The following CIB2 variants were observed in gnomAD, a reference collection of about 807,000 sequenced individuals.
CIB2 encodes the protein calcium and integrin binding family member 2, also known as calcium and integrin-binding family member 2.
Under a neutral mutation model 23.1 loss-of-function variants are expected in CIB2, and 19 were observed. The ratio of observed to expected loss-of-function variants is 0.82; its 90% CI spans 0.57 to 1.21. The LOEUF (loss-of-function observed/expected upper bound fraction) is 1.21, where lower values mean the gene tolerates loss of function less well. CIB2 is among the 50% of genes most tolerant of loss of function. The pLI is 0.00. For missense variants in CIB2, 220 were observed against 241.5 expected (o/e 0.91, Z 0.59); for synonymous variants, 94 against 91.7 (o/e 1.03, Z -0.14).
At chr15:78,125,286 C>A (rs1442578237) in intron 1 of CIB2, among the ~76,000 whole-genome samples, 1 of 152,166 alleles carries the variant, frequency 6.6e-6, no homozygotes, top group Non-Finnish European at 1.5e-5. Context: ...CTTCCCTCCA[C>A]CCCAGGGCCG....
intron 2 of CIB2, among the ~76,000 whole-genome samples, chr15:78,117,283 T>TAAAAAAAAAAAAAAA (rs1265422874): frequency 3.7e-5 from 5 of 133,566 alleles, no homozygotes; most frequent in Non-Finnish European, 6.2e-5. Context: ...AAAGTTTGTT[T>TAAAAAAAAAAAAAAA]AAAAGAATAA....
rs189616134 is a variant in CIB2 at position 78,105,095 on chromosome 15, C to T, written c.*216G>A. 5.0e-4 allele frequency: 305 copies of T among 613,514 alleles called. No individual in the cohort carries two copies. The African/African-American group carries it at 5.2e-3, about 10-fold the overall frequency. The allele number at this position is 613,514 out of a possible 1,614,324, so 38.0% of individuals were successfully genotyped here. ...GGGCCTGGAGAGAGGCCATGGGTCC[C>T]GGGGCTGGACCACAGCGGGGCTGTG... On this transcript the variant is annotated 3_prime_UTR_variant, in exon 6 of 6. Coordinates refer to ENST00000258930, the MANE Select transcript of CIB2 (RefSeq NM_006383.4).
chr15:78,105,469 G>T, intron 5 of CIB2, 137 bp from the exon 6 acceptor site: 1 of 1,539,690 alleles, frequency 6.5e-7, no homozygotes, highest in Non-Finnish European at 8.7e-7. Context: ...GTGGATGCAG[G>T]TAATCAACAC....
At chr15:78,109,588 G>T in intron 3 of CIB2, 1 of 616,666 alleles carries the variant, frequency 1.6e-6, no homozygotes, top group Middle Eastern at 2.6e-4. Flanking sequence ...GTAAGGTGTT[G>T]GTACCAGGCC....
At chr15:78,109,684 T>C (rs2074126982) in intron 3 of CIB2, among the ~76,000 whole-genome samples, 1 of 151,664 alleles carries the variant, frequency 6.6e-6, no homozygotes, top group African/African-American at 2.4e-5. Flanking sequence ...GGTGCACGCC[T>C]GTAGTCCCGC....
chr15:78,120,963 T>C (rs1019675847), intron 2 of CIB2, among the ~76,000 whole-genome samples: 1 of 152,142 alleles, frequency 6.6e-6, no homozygotes, highest in Admixed American at 6.5e-5. Context: ...GGCCTCAGTT[T>C]TGTCACCCGG....
rs772985136 is a variant in CIB2, at chr15:78,123,756, C to G, written c.52-17G>C. 5.0e-6 allele frequency: 8 copies of G among 1,613,992 alleles called. No homozygotes were observed. The African/African-American group carries it at 1.1e-4, about 22-fold the overall frequency. ...GGTGCAGTCCTGTTGAGGGAAAACA[C>G]ACAACACACAGTCAGTGTGCGGCTC... On this transcript the variant is annotated splice_polypyrimidine_tract_variant and intron_variant, in intron 1 of 5. Coordinates refer to ENST00000258930, the MANE Select transcript of CIB2 (RefSeq NM_006383.4).
Position 78,131,074 on chromosome 15 carries a change from G to A in CIB2, c.51+91C>T, listed in dbSNP as rs1251711353. ...GGCAGGGTTTGAACCTGGGAGAGCT[G>A]GCTCTCGGGAGGCCTCGGCCAGCGA... is the stretch of plus-strand genomic sequence containing the variant. On this transcript the variant is annotated intron_variant, in intron 1 of 5. Transcript: ENST00000258930. This position sits in a 1 kb window ranked among gnomAD's most constrained non-coding sequence, Gnocchi z 5.8. 9 of 1,191,502 alleles carry A rather than the reference G, an allele frequency of 7.6e-6. No individual in the cohort carries two copies. The highest frequency in any genetic ancestry group is 4.5e-5 in the Admixed American group (2 of 44,904). 73.8% of individuals were successfully genotyped at this position (1,191,502 alleles called of 1,614,324 possible).
At chr15:78,116,108 T>G (rs928276402) in intron 2 of CIB2, among the ~76,000 whole-genome samples, 8 of 152,084 alleles carry the variant, frequency 5.3e-5, no homozygotes, top group Admixed American at 4.6e-4. Context: ...TACATTGTAT[T>G]AGGTGTTATA....
At chr15:78,124,290 G>A (rs2074355237) in intron 1 of CIB2, among the ~76,000 whole-genome samples, 1 of 152,098 alleles carries the variant, frequency 6.6e-6, no homozygotes, top group Admixed American at 6.5e-5. Flanking sequence ...AGGTCACCCA[G>A]AGAAGGGAGT....
intron 4 of CIB2, among the ~76,000 whole-genome samples, chr15:78,107,696 G>A (rs527266491): frequency 6.6e-6 from 1 of 152,344 alleles, no homozygotes; most frequent in Admixed American, 6.5e-5. Context: ...CGTCCCAGGA[G>A]CAATGCTATG....
At chr15:78,116,480 T>C (rs887599369) in intron 2 of CIB2, among the ~76,000 whole-genome samples, 1 of 150,426 alleles carries the variant, frequency 6.6e-6, no homozygotes, top group Non-Finnish European at 1.5e-5. Flanking sequence ...AAAAAAAAAA[T>C]TATACAGAAG....
At chr15:78,121,224 C>T (rs1376793582) in intron 2 of CIB2, among the ~76,000 whole-genome samples, 1 of 152,206 alleles carries the variant, frequency 6.6e-6, no homozygotes, top group East Asian at 1.9e-4. Context: ...TCACCCAGCC[C>T]TCCCAGACAC....
chr15:78,114,521 A>G (rs2074209646), intron 2 of CIB2, among the ~76,000 whole-genome samples: 2 of 152,216 alleles, frequency 1.3e-5, no homozygotes, highest in Admixed American at 1.3e-4. Context: ...ATGAGGCAAG[A>G]AATGTGAAAA....
At chr15:78,121,389 C>A (rs534061406) in intron 2 of CIB2, among the ~76,000 whole-genome samples, 2 of 152,276 alleles carry the variant, frequency 1.3e-5, no homozygotes, top group South Asian at 4.1e-4. Flanking sequence ...AGCCAGGACG[C>A]CTCTCCTCAA....
rs2141913506 is a variant in CIB2 at position 78,123,752 on chromosome 15, AAC to A, written c.52-15_52-14del. The A allele has an allele frequency of 2.5e-6, 4 of 1,613,920 alleles. No individual in the cohort carries two copies. In the East Asian group the frequency reaches 8.9e-5, roughly 36 times the overall value. ...AGAAGGTGCAGTCCTGTTGAGGGAA[AAC>A]ACACAACACACAGTCAGTGTGCGGC... On this transcript the variant is annotated splice_polypyrimidine_tract_variant and intron_variant, in intron 1 of 5. Coordinates refer to ENST00000258930, the MANE Select transcript of CIB2 (RefSeq NM_006383.4).
intron 3 of CIB2, chr15:78,110,516 G>A (rs891752362): frequency 5.1e-6 from 2 of 390,588 alleles, no homozygotes; most frequent in Non-Finnish European, 1.0e-5. Flanking sequence ...AGGGGCTACT[G>A]ACGAAGTCCC....
At position 78,111,309 on chromosome 15, in the gene CIB2, G is replaced by C. The variant is rs1159436454; in HGVS notation, c.87-33C>G. On this transcript the variant is annotated intron_variant, in intron 2 of 5. Coordinates refer to ENST00000258930, the MANE Select transcript of CIB2 (RefSeq NM_006383.4). Reference sequence around the variant, plus strand: ...GAAAGCAGAGAAAAAGCGCTGGAGGGGGTGCCATCCCTAAGCCCCAGCAGC... The same window carrying C: ...GAAAGCAGAGAAAAAGCGCTGGAGGCGGTGCCATCCCTAAGCCCCAGCAGC... 1.9e-6 allele frequency: 3 copies of C among 1,569,424 alleles called. No homozygotes were observed. The South Asian group carries it at 3.4e-5, about 18-fold the overall frequency.
intron 2 of CIB2, among the ~76,000 whole-genome samples, chr15:78,115,380 C>A (rs116405955): frequency 0.035 from 5,337 of 152,038 alleles, 139 homozygotes; most frequent in East Asian, 0.15. Context: ...ATGCCTCGGC[C>A]TCCCAAGTAG....
Sources: allele counts gnomAD v4.1 joint callset (sites outside exome capture counted in the v4.1 genomes callset), GRCh38; gene constraint gnomAD v4.1.1; non-coding constraint Gnocchi (gnomAD v3.1); transcripts MANE v1.5; gene names NCBI Gene and HGNC (gene_info 2026-07-23, HGNC 2026-07-21).